NUDT6: variants seen among roughly 807,000 people sequenced by gnomAD.
The protein encoded by NUDT6 is FAD diphosphatase NUDT6.
Under a neutral mutation model 36.8 loss-of-function variants are expected in NUDT6, and 24 were observed. That is an observed-to-expected ratio of 0.65 (90% CI 0.47 to 0.92). The LOEUF (loss-of-function observed/expected upper bound fraction) is 0.92. Among genes scored for constraint, NUDT6 ranks in the 40% least tolerant of loss-of-function variants. The pLI is 0.00. For synonymous variants in NUDT6, 163 were observed against 157.0 expected, an observed-to-expected ratio of 1.04 and a Z score of -0.29; for missense variants, 388 against 392.8, an observed-to-expected ratio of 0.99 and a Z score of 0.10.
intron 1 of NUDT6, 61 bp from the exon 2 acceptor site, chr4:122,917,765 C>T: frequency 6.6e-7 from 1 of 1,521,350 alleles, no homozygotes; most frequent in Non-Finnish European, 9.0e-7. Flanking sequence ...TAAATTAAAA[C>T]TCACCTCAGG....
At chr4:122,911,786 A>T (rs1478710317) in intron 3 of NUDT6, among the ~76,000 whole-genome samples, 1 of 152,184 alleles carries the variant, frequency 6.6e-6, no homozygotes, top group Non-Finnish European at 1.5e-5. Context: ...GAGCATGAAA[A>T]CATCTGATCC....
At chr4:122,907,884 G>A (rs1368871073) in intron 3 of NUDT6, among the ~76,000 whole-genome samples, 2 of 152,094 alleles carry the variant, frequency 1.3e-5, no homozygotes, top group African/African-American at 2.4e-5. Context: ...GATCTCTAAG[G>A]TATGGGCGAT....
intron 1 of NUDT6, chr4:122,919,285 C>G (rs111622168): frequency 6.6e-6 from 1 of 152,266 alleles, no homozygotes; most frequent in African/African-American, 2.4e-5. Flanking sequence ...GGTGCAATCT[C>G]GGCTCACTGC....
At chr4:122,899,535 A>G (rs528868040) in intron 3 of NUDT6, among the ~76,000 whole-genome samples, 13 of 152,266 alleles carry the variant, frequency 8.5e-5, no homozygotes, top group Admixed American at 5.9e-4. Context: ...GTCCTAAGCT[A>G]TGTGGTTTGT....
In NUDT6 at chr4:122,917,632, A is replaced by G; in HGVS notation, c.311T>C (p.Phe104Ser). 1 of 1,614,204 alleles carries G rather than the reference A, an allele frequency of 6.2e-7. No individual in the cohort carries two copies. Among genetic ancestry groups the G allele is most frequent in the South Asian group, 1.1e-5 (1 of 91,082 alleles). ...WLHIPILQSR[F>S]IAPAASLGFC... ...GCCCAGGGAAGCAGCAGGGGCAATA[A>G]ATCGGCTTTGGAGGATGGGAATGTG... The change falls in exon 2 of 5, where the codon TTT (phenylalanine) becomes TCT (serine). Residue 104 changes from phenylalanine (F) to serine (S), a missense_variant. Transcript: ENST00000304430.
At chr4:122,900,834 T>C (rs922864809) in intron 3 of NUDT6, among the ~76,000 whole-genome samples, 2 of 152,160 alleles carry the variant, frequency 1.3e-5, no homozygotes, top group African/African-American at 4.8e-5. Flanking sequence ...ATCTATCTGT[T>C]GCTTGTGATT....
chr4:122,915,831 TAGAGCTGAACGG>T (rs1344340568), intron 2 of NUDT6, among the ~76,000 whole-genome samples: 1 of 152,136 alleles, frequency 6.6e-6, no homozygotes, highest in Non-Finnish European at 1.5e-5. Context: ...TCTTTTGAAA[TAGAGCTGAACGG>T]AGAGTTTCTG....
At chr4:122,897,484 G>A in intron 4 of NUDT6, 140 bp downstream of exon 4, 6 of 676,732 alleles carry the variant, frequency 8.9e-6, no homozygotes, top group South Asian at 5.0e-5. Context: ...TATCAGCTCT[G>A]AGGTAATTTC....
rs918574672 is a variant in NUDT6, at chr4:122,922,481, C to T, written c.92G>A (p.Gly31Asp). ...GPSAGYRWASGAQGYVRNPPV... is the reference protein window; with the variant it reads ...GPSAGYRWASDAQGYVRNPPV... Reference sequence around the variant, plus strand: ...CGGATTCCGCACGTAACCCTGTGCGCCCGAGGCCCAGCGGTAACCCGCCGA... The same window carrying T: ...CGGATTCCGCACGTAACCCTGTGCGTCCGAGGCCCAGCGGTAACCCGCCGA... Residue 31 changes from glycine to aspartate, a missense_variant, in exon 1 of 5, where the codon GGC (glycine) becomes GAC (aspartate). Gly to Asp is a moderately conservative substitution (Grantham distance 94). Coordinates refer to ENST00000304430, the MANE Select transcript of NUDT6 (RefSeq NM_007083.5). 1 of 1,611,550 alleles carries T rather than the reference C, an allele frequency of 6.2e-7. No individual in the cohort carries two copies. Among genetic ancestry groups the T allele is most frequent in the Non-Finnish European group, 8.5e-7 (1 of 1,179,814 alleles).
chr4:122,922,597 T>TGCCCAAATGACCCCTCCGC, upstream of NUDT6: 3 of 1,571,454 alleles, frequency 1.9e-6, no homozygotes, highest in Non-Finnish European at 1.7e-6. Context: ...ATTCGTCCGT[T>TGCCCAAATGACCCCTCCGC]GCCCAAATGA....
intron 3 of NUDT6, among the ~76,000 whole-genome samples, chr4:122,903,959 CTG>C (rs1284993816): frequency 6.6e-6 from 1 of 152,206 alleles, no homozygotes; most frequent in Non-Finnish European, 1.5e-5. Context: ...TGAGTTTTAA[CTG>C]TGCATGGTCC....
chr4:122,897,772 G>T lies in NUDT6; in HGVS notation c.499-94C>A, dbSNP rs1199250845. 2.9e-5 allele frequency: 25 copies of T among 849,210 alleles called. 1 individual carries two copies. The highest frequency in any genetic ancestry group is 1.9e-4 in the South Asian group (12 of 64,718). 52.6% of individuals were successfully genotyped at this position (849,210 alleles called of 1,614,324 possible). A position where few individuals can be genotyped will look rare whatever the true frequency, so the allele number is the denominator to read the frequency against. On this transcript the variant is annotated intron_variant, in intron 3 of 4. Transcript: ENST00000304430. ...AAATCCACCTATAATTGGTCAAAGT[G>T]GTTGAGAATATATTTTTTAGTAATT...
intron 4 of NUDT6, chr4:122,895,485 TCCTGGTGTTTC>T: frequency 6.6e-6 from 1 of 152,348 alleles, no homozygotes; most frequent in Admixed American, 6.5e-5. Flanking sequence ...ATGTGGGTTT[TCCTGGTGTTTC>T]CCTCTGACTC....
intron 3 of NUDT6, among the ~76,000 whole-genome samples, chr4:122,900,657 C>T (rs1727503213): frequency 6.6e-6 from 1 of 151,930 alleles, no homozygotes; most frequent in African/African-American, 2.4e-5. Context: ...TTGATATTTT[C>T]TCACTAATCC....
rs773327308 is a variant in NUDT6, at chr4:122,917,571, C to T, written c.372G>A (p.Thr124=). Residue 124 remains threonine (T), a synonymous_variant, in exon 2 of 5, where the codon ACG becomes ACA. Coordinates refer to ENST00000304430, the MANE Select transcript of NUDT6 (RefSeq NM_007083.5). ...GCCCTTCTCTCAGCCACAGAGTCAA[C>T]GTTGATGAATCCGATTCTGCGTGGT... ...CFHHAESDSS[T]LTLWLREGPS... 2.3e-5 allele frequency: 37 copies of T among 1,614,022 alleles called. No homozygotes were observed. Among genetic ancestry groups the T allele is most frequent in the Non-Finnish European group, 2.3e-5 (27 of 1,180,034 alleles).
chr4:122,897,711 TA>T, intron 3 of NUDT6, 33 bp from the exon 4 acceptor site: 1 of 1,294,478 alleles, frequency 7.7e-7, no homozygotes, highest in Non-Finnish European at 1.1e-6. Context: ...AAAGTTAACA[TA>T]ACTTTCACTA....
chr4:122,910,627 C>T (rs1190990247), intron 3 of NUDT6, among the ~76,000 whole-genome samples: 1 of 152,106 alleles, frequency 6.6e-6, no homozygotes, highest in Non-Finnish European at 1.5e-5. Flanking sequence ...CATGGTTTAC[C>T]CTTTTCTTTC....
At chr4:122,897,734 T>C (rs1727407438) in intron 3 of NUDT6, 56 bp from the exon 4 acceptor site, 4 of 1,172,616 alleles carry the variant, frequency 3.4e-6, no homozygotes, top group East Asian at 2.3e-5. Flanking sequence ...CACACACATA[T>C]GTAGATTTCA....
chr4:122,895,394 T>C (rs1224963610), intron 4 of NUDT6: 1 of 152,158 alleles, frequency 6.6e-6, no homozygotes, highest in African/African-American at 2.4e-5. Context: ...TGAAATGGAG[T>C]TTATATTTGT....
Sources: gnomAD v4.1 joint callset for allele counts (sites outside exome capture counted in the v4.1 genomes callset) on GRCh38, gnomAD v4.1.1 for gene constraint, MANE v1.5 for transcripts, NCBI Gene and HGNC (gene_info 2026-07-23, HGNC 2026-07-21) for gene names.